Variants in ANXA13 observed in about 807,000 individuals in gnomAD.
ANXA13 encodes the protein annexin A13, also known as annexin XIII.
In ANXA13, 36 loss-of-function variants were observed where a neutral mutation model predicts 46.6. The ratio of observed to expected loss-of-function variants is 0.77; its 90% CI spans 0.59 to 1.02. ANXA13 has a LOEUF of 1.02. Ranked by LOEUF, ANXA13 falls within the 50% of genes least tolerant of loss-of-function variation. The pLI, the probability that ANXA13 is intolerant of heterozygous loss-of-function variation, is 0.00. For missense variants in ANXA13, 417 were observed against 396.5 expected (o/e 1.05, Z -0.44); for synonymous variants, 163 against 152.9 (o/e 1.07, Z -0.49).
chr8:123,718,848 C>T (rs1372422050), intron 1 of ANXA13, among the ~76,000 whole-genome samples: 1 of 152,192 alleles, frequency 6.6e-6, no homozygotes, highest in East Asian at 1.9e-4. Context: ...CAGGGATGTT[C>T]CTGCTGCAAC....
chr8:123,731,935 T>C (rs1434998222), intron 1 of ANXA13, among the ~76,000 whole-genome samples: 2 of 151,922 alleles, frequency 1.3e-5, no homozygotes, highest in Non-Finnish European at 2.9e-5. Context: ...AGTGGAGTAA[T>C]AGTTATGCAG....
chr8:123,736,005 G>A, intron 1 of ANXA13: 1 of 957,902 alleles, frequency 1.0e-6, no homozygotes, highest in Non-Finnish European at 1.4e-6. Context: ...GATTATTCCT[G>A]GGGTCCTCTG....
chr8:123,706,476 G>T (rs1813542386), intron 2 of ANXA13, among the ~76,000 whole-genome samples: 1 of 152,168 alleles, frequency 6.6e-6, no homozygotes, highest in African/African-American at 2.4e-5. Context: ...GCTCAGGCCT[G>T]GCTGTCCCCT....
intron 10 of ANXA13, 28 bp downstream of exon 10, chr8:123,684,582 G>A (rs185618873): frequency 3.6e-5 from 53 of 1,483,818 alleles, no homozygotes; most frequent in Admixed American, 1.5e-4. Flanking sequence ...AGTTGCAGCC[G>A]CCTCTTTGGA....
intron 4 of ANXA13, 134 bp downstream of exon 4, chr8:123,698,255 C>T (rs1404702330): frequency 2.1e-6 from 2 of 932,312 alleles, no homozygotes; most frequent in South Asian, 1.8e-5. Context: ...CCACATGGAC[C>T]AAGCACACAT....
chr8:123,712,999 C>G (rs1350036858), intron 1 of ANXA13, among the ~76,000 whole-genome samples: 2 of 152,216 alleles, frequency 1.3e-5, no homozygotes, highest in African/African-American at 4.8e-5. Context: ...CAAGGACAAT[C>G]ATCCTGGCCA....
chr8:123,700,549 A>G (rs1412441113), intron 3 of ANXA13, among the ~76,000 whole-genome samples: 1 of 152,224 alleles, frequency 6.6e-6, no homozygotes, highest in Admixed American at 6.5e-5. Context: ...ACCAGAAAGT[A>G]AGCAAATGAT....
In ANXA13 at chr8:123,693,305, G is replaced by T; in HGVS notation, c.541-7C>A. The T allele has an allele frequency of 6.2e-7, 1 of 1,613,224 alleles. No homozygotes were observed. Among genetic ancestry groups the T allele is most frequent in the Non-Finnish European group, 8.5e-7 (1 of 1,179,450 alleles). ...CCCAGCGGCCTTCCCCTGCCTCAAG[G>T]GTCAAATACAAACACTTTGAAAAAG... On this transcript the variant is annotated splice_region_variant and splice_polypyrimidine_tract_variant and intron_variant, in intron 7 of 10. Transcript: ENST00000419625.
intron 3 of ANXA13, among the ~76,000 whole-genome samples, chr8:123,701,342 T>C (rs1813443764): frequency 6.6e-6 from 1 of 152,076 alleles, no homozygotes; most frequent in South Asian, 2.1e-4. Context: ...TGGTGGCGCG[T>C]GCCTGTAATC....
chr8:123,709,251 T>C (rs1257266420), intron 2 of ANXA13, among the ~76,000 whole-genome samples: 1 of 152,210 alleles, frequency 6.6e-6, no homozygotes, highest in Non-Finnish European at 1.5e-5. Context: ...TCCCTCTCCA[T>C]GTGAGGAGAC....
chr8:123,700,175 C>G (rs1484001981), intron 3 of ANXA13, among the ~76,000 whole-genome samples: 1 of 152,182 alleles, frequency 6.6e-6, no homozygotes, highest in Non-Finnish European at 1.5e-5. Context: ...CTTGTGAAGG[C>G]AGGTCTGTGG....
Position 123,706,142 on chromosome 8 carries a change from G to T in ANXA13, c.92-3406C>A, listed in dbSNP as rs533475363. Among the ~76,000 whole-genome samples the T allele has an allele frequency of 2.0e-5, 3 of 152,298 alleles. No individual in the cohort carries two copies. The South Asian group carries it at 6.2e-4, about 32-fold the overall frequency. On this transcript the variant is annotated intron_variant, in intron 2 of 10. Transcript: ENST00000419625. ...TGAGTTGCCTGCCTGGTGCTGGCTT[G>T]GTTTCAACACTGGGATTCACGTTGT...
At chr8:123,706,346 C>A (rs1340423205) in intron 2 of ANXA13, among the ~76,000 whole-genome samples, 19 of 152,248 alleles carry the variant, frequency 1.2e-4, no homozygotes, top group Admixed American at 1.2e-3. Context: ...TCAGGCCACT[C>A]CTGTCCCAGA....
At chr8:123,722,389 AGAAAG>A (rs1353544723) in intron 1 of ANXA13, among the ~76,000 whole-genome samples, 1 of 141,370 alleles carries the variant, frequency 7.1e-6, no homozygotes, top group African/African-American at 2.6e-5. Context: ...AAAGAAAGAA[AGAAAG>A]AAAAGCTCAG....
At chr8:123,696,317 G>C (rs569832599) in intron 4 of ANXA13, among the ~76,000 whole-genome samples, 3 of 152,108 alleles carry the variant, frequency 2.0e-5, no homozygotes, top group African/African-American at 7.2e-5. Flanking sequence ...AATAAGCTAC[G>C]GTTTACTTAG....
At chr8:123,717,839 G>A (rs1586333258) in intron 1 of ANXA13, among the ~76,000 whole-genome samples, 1 of 152,234 alleles carries the variant, frequency 6.6e-6, no homozygotes, top group Admixed American at 6.5e-5. Context: ...CACACCTTAC[G>A]TAACCACGCC....
intron 10 of ANXA13, among the ~76,000 whole-genome samples, chr8:123,681,767 T>C (rs1054654750): frequency 5.3e-5 from 8 of 151,680 alleles, no homozygotes; most frequent in Non-Finnish European, 8.8e-5. Flanking sequence ...GGGATTACAG[T>C]CAACCACCAT....
intron 1 of ANXA13, among the ~76,000 whole-genome samples, chr8:123,736,867 G>GTTTTTT (rs1563623536): frequency 1.9e-5 from 1 of 51,794 alleles, no homozygotes; most frequent in African/African-American, 4.6e-5. Flanking sequence ...TTTTTTTTTG[G>GTTTTTT]GACGGAGTTT....
At chr8:123,696,949 G>A (rs1169118216) in intron 4 of ANXA13, among the ~76,000 whole-genome samples, 5 of 152,306 alleles carry the variant, frequency 3.3e-5, no homozygotes, top group Admixed American at 6.5e-5. Context: ...TCGCTCTGTC[G>A]CTCAGGCTGG....
Sources: allele counts gnomAD v4.1 joint callset (sites outside exome capture counted in the v4.1 genomes callset), GRCh38; gene constraint gnomAD v4.1.1; transcripts MANE v1.5; gene names NCBI Gene and HGNC (gene_info 2026-07-23, HGNC 2026-07-21).